FBH1: variants seen among roughly 807,000 people sequenced by gnomAD.
FBH1 encodes the protein F-box DNA helicase 1.
A neutral mutation model predicts 115.5 loss-of-function variants in FBH1; 43 were observed. That is an observed-to-expected ratio of 0.37 (90% confidence interval 0.29 to 0.48). The LOEUF is 0.48. Ranked by LOEUF, FBH1 falls within the 20% of genes least tolerant of loss-of-function variation. FBH1 has a pLI of 0.99. For missense variants in FBH1, 1,001 were observed against 1,337.3 expected, an observed-to-expected ratio of 0.75 and a Z score of 3.92; for synonymous variants, 524 against 507.8, an observed-to-expected ratio of 1.03 and a Z score of -0.43.
rs188898427 is a variant in FBH1 at position 5,908,623 on chromosome 10, A to G, written c.754-302A>G. Among the ~76,000 whole-genome samples, 15 of 148,274 alleles carry G rather than the reference A, an allele frequency of 1.0e-4. No homozygotes were observed. In the East Asian group the frequency reaches 2.9e-3, roughly 29 times the overall value. ...TTTTCTTTCTTTTTTTTTTTTTGAG[A>G]TGGAGTCTCACTCTGTCACCCAGGC... is the stretch of plus-strand genomic sequence containing the variant. On this transcript the variant is annotated intron_variant, in intron 3 of 20. Transcript: ENST00000362091.
Position 5,900,218 on chromosome 10 carries a change from A to C in FBH1, c.2-2802A>C, listed in dbSNP as rs1010835638. ...GCAGGCTACTCACATAAGCCTTGTT[A>C]AATAGAGGAAACAGGTAAGTTTGTA... is the stretch of plus-strand genomic sequence containing the variant. On this transcript the variant is annotated intron_variant, in intron 1 of 20. Coordinates refer to ENST00000362091, the MANE Select transcript of FBH1 (RefSeq NM_178150.3). This position sits in a 1 kb window ranked among gnomAD's most constrained non-coding sequence, Gnocchi z 4.2. 2.0e-5 allele frequency among the ~76,000 whole-genome samples: 3 copies of C among 152,214 alleles called. No individual in the cohort carries two copies. Among genetic ancestry groups the C allele is most frequent in the Non-Finnish European group, 2.9e-5 (2 of 68,030 alleles).
At chr10:5,912,993 C>T (rs1481361242) in intron 6 of FBH1, among the ~76,000 whole-genome samples, 2 of 152,056 alleles carry the variant, frequency 1.3e-5, no homozygotes, top group Admixed American at 1.3e-4. Flanking sequence ...GAGATGGGCT[C>T]TTTTCGCTCT....
intron 1 of FBH1, chr10:5,894,211 T>A: frequency 1.0e-6 from 1 of 985,290 alleles, no homozygotes; most frequent in South Asian, 4.7e-5. Flanking sequence ...TTCGTTTCTT[T>A]TAGAGCTAAT....
Position 5,932,348 on chromosome 10 carries a change from G to C in FBH1, c.2830-4108G>C, listed in dbSNP as rs980686968. Among the ~76,000 whole-genome samples, 2 of 152,222 alleles carry C rather than the reference G, an allele frequency of 1.3e-5. No individual in the cohort carries two copies. The highest frequency in any genetic ancestry group is 2.4e-5 in the African/African-American group (1 of 41,458). ...CAGAAGGTAGCATTTCAGATACACT[G>C]TTGTGTACTTTGCTTTGTCACTTAG... On this transcript the variant is annotated intron_variant, in intron 19 of 20. Transcript: ENST00000362091. This position sits in a 1 kb window ranked among gnomAD's most constrained non-coding sequence, Gnocchi z 5.9.
At position 5,897,857 on chromosome 10, in the gene FBH1, G is replaced by A. The variant is rs1316441042; in HGVS notation, c.2-5163G>A. Among the ~76,000 whole-genome samples the A allele has an allele frequency of 1.3e-5, 2 of 152,112 alleles. No homozygotes were observed. The highest frequency in any genetic ancestry group is 2.4e-5 in the African/African-American group (1 of 41,426). On this transcript the variant is annotated intron_variant, in intron 1 of 20. Transcript: ENST00000362091. This position sits in a 1 kb window ranked among gnomAD's most constrained non-coding sequence, Gnocchi z 4.7. ...TGCAAACACTTAATCTTCGCAACAA[G>A]CATTTTGGATTCAGACGTATTTTCT...
Position 5,915,820 on chromosome 10 carries a change from G to T in FBH1, c.1565+249G>T. Reference sequence around the variant, plus strand: ...TTCTCATGGAAGTGAGGCACAGAAAGTCAAAATGACTTGCTTAAAGTTCAG... The same window carrying T: ...TTCTCATGGAAGTGAGGCACAGAAATTCAAAATGACTTGCTTAAAGTTCAG... On this transcript the variant is annotated intron_variant, in intron 9 of 20. Coordinates refer to ENST00000362091, the MANE Select transcript of FBH1 (RefSeq NM_178150.3). This position sits in a 1 kb window ranked among gnomAD's most constrained non-coding sequence, Gnocchi z 5.2. The T allele has an allele frequency of 1.9e-6, 1 of 525,172 alleles. No individual in the cohort carries two copies. The allele number at this position is 525,172 out of a possible 1,614,324, so 32.5% of individuals were successfully genotyped here.
rs2131830733 is a variant in FBH1, at chr10:5,895,009, G to C, written c.1+4663G>C. 6.3e-7 allele frequency: 1 copy of C among 1,588,842 alleles called. No homozygotes were observed. Among genetic ancestry groups the C allele is most frequent in the South Asian group, 1.1e-5 (1 of 88,770 alleles). On this transcript the variant is annotated intron_variant, in intron 1 of 20. Coordinates refer to ENST00000362091, the MANE Select transcript of FBH1 (RefSeq NM_178150.3). The surrounding 1 kb of genome is among the most constrained non-coding windows in gnomAD (Gnocchi z 5.0). ...AATACTTTTATGGTGCTGGAGTTGAGAGATAACACAGTTAACTGTTGAAAT... is the reference window on the plus strand; with the variant it reads ...AATACTTTTATGGTGCTGGAGTTGACAGATAACACAGTTAACTGTTGAAAT...
At position 5,909,893 on chromosome 10, in the gene FBH1, G is replaced by A. The variant is rs190541985; in HGVS notation, c.1020+599G>A. On this transcript the variant is annotated intron_variant, in intron 5 of 20. Transcript: ENST00000362091. This position sits in a 1 kb window ranked among gnomAD's most constrained non-coding sequence, Gnocchi z 4.4. ...AAGAAGATGATTGCTGATGGTGGTG[G>A]AGTGGGTCTTCTTTCACAGGATGGT... Among the ~76,000 whole-genome samples, 135 of 152,340 alleles carry A rather than the reference G, an allele frequency of 8.9e-4. 1 individual carries two copies. The Middle Eastern group carries it at 0.017, about 19-fold the overall frequency.
chr10:5,921,505 A>G lies in FBH1; in HGVS notation c.2258A>G (p.Asn753Ser), dbSNP rs376125948. ...QVALLSRTNA[N>S]VFDEAVRVTE... Reference sequence around the variant, plus strand: ...GCCTTGTTGTCCCGGACCAACGCCAACGTGTTTGATGAGGCCGTACGGGTG... The same window carrying G: ...GCCTTGTTGTCCCGGACCAACGCCAGCGTGTTTGATGAGGCCGTACGGGTG... Residue 753 changes from asparagine (N) to serine (S), a missense_variant, in exon 15 of 21, where the codon AAC (asparagine) becomes AGC (serine). Physicochemically the swap from Asn to Ser is conservative, Grantham distance 46. This residue lies in a region of FBH1 where 521 missense variants were observed against 811.0 expected (regional missense o/e 0.64). Coordinates refer to ENST00000362091, the MANE Select transcript of FBH1 (RefSeq NM_178150.3). This position sits in a 1 kb window ranked among gnomAD's most constrained non-coding sequence, Gnocchi z 6.4. 44 of 1,601,050 alleles carry G rather than the reference A, an allele frequency of 2.7e-5. No homozygotes were observed. The highest frequency in any genetic ancestry group is 3.3e-5 in the Non-Finnish European group (39 of 1,176,940).
intron 13 of FBH1, among the ~76,000 whole-genome samples, chr10:5,919,006 T>C (rs899327791): frequency 2.0e-5 from 3 of 152,216 alleles, no homozygotes; most frequent in Non-Finnish European, 2.9e-5. Flanking sequence ...ATTTTCTTCA[T>C]GTGTGTCAGC....
In FBH1 at chr10:5,923,542, TG is replaced by T. The variant is rs1429969873; in HGVS notation, c.2323-78del. On this transcript the variant is annotated intron_variant, in intron 15 of 20. Transcript: ENST00000362091. This position sits in a 1 kb window ranked among gnomAD's most constrained non-coding sequence, Gnocchi z 5.7. ...CCCCATCCCTGCATTTGCTTTATTT[TG>T]TTTTGTTAAAGCAACAACAAACAAA... 1 of 1,245,338 alleles carries T rather than the reference TG, an allele frequency of 8.0e-7. No homozygotes were observed. Among genetic ancestry groups the T allele is most frequent in the African/African-American group, 1.5e-5 (1 of 66,502 alleles). The allele number at this position is 1,245,338 out of a possible 1,614,324, so 77.1% of individuals were successfully genotyped here. A position where few individuals can be genotyped will look rare whatever the true frequency, so the allele number is the denominator to read the frequency against.
intron 13 of FBH1, among the ~76,000 whole-genome samples, chr10:5,920,464 G>C (rs1172909588): frequency 6.6e-6 from 1 of 152,160 alleles, no homozygotes; most frequent in African/African-American, 2.4e-5. Context: ...AGTAAGTGTT[G>C]GAGAATCTTC....
In FBH1 at chr10:5,918,450, C is replaced by T. The variant is rs1832109628; in HGVS notation, c.2072C>T (p.Pro691Leu). The T allele has an allele frequency of 1.2e-6, 2 of 1,604,526 alleles. No homozygotes were observed. Among genetic ancestry groups the T allele is most frequent in the Non-Finnish European group, 1.7e-6 (2 of 1,177,228 alleles). Reference sequence around the variant, plus strand: ...GCGGTCAACGCCCTGTTCACAGTGCCCCACACCCACGTCTTCTATCTCACG... The same window carrying T: ...GCGGTCAACGCCCTGTTCACAGTGCTCCACACCCACGTCTTCTATCTCACG... ...RGAVNALFTV[P>L]HTHVFYLTQS... Residue 691 changes from proline (P) to leucine (L), a missense_variant, in exon 13 of 21, where the codon CCC (proline) becomes CTC (leucine). Around this residue, in one of 4 missense-constraint regions of FBH1, gnomAD observed 521 missense variants for 811.0 expected, o/e 0.64. Coordinates refer to ENST00000362091, the MANE Select transcript of FBH1 (RefSeq NM_178150.3). This position sits in a 1 kb window ranked among gnomAD's most constrained non-coding sequence, Gnocchi z 4.0.
rs1833354830 is a variant in FBH1, at chr10:5,936,384, CGCT to C, written c.2830-71_2830-69del. 1 of 1,563,518 alleles carries C rather than the reference CGCT, an allele frequency of 6.4e-7. No homozygotes were observed. The highest frequency in any genetic ancestry group is 8.7e-7 in the Non-Finnish European group (1 of 1,146,806). ...ATCTAAAGGGTTCTCACAGAGCCGC[CGCT>C]ATCAGTGTTTCCAGTAGACCCTAAC... On this transcript the variant is annotated intron_variant, in intron 19 of 20. Coordinates refer to ENST00000362091, the MANE Select transcript of FBH1 (RefSeq NM_178150.3). This position sits in a 1 kb window ranked among gnomAD's most constrained non-coding sequence, Gnocchi z 5.6.
chr10:5,894,523 C>CT, intron 1 of FBH1: 1 of 870,788 alleles, frequency 1.1e-6, no homozygotes, highest in Non-Finnish European at 2.0e-6. Context: ...CAAGTCCTCT[C>CT]TGAGCCCCAG....
At chr10:5,901,890 C>CTT (rs1459876511) in intron 1 of FBH1, among the ~76,000 whole-genome samples, 1 of 152,130 alleles carries the variant, frequency 6.6e-6, no homozygotes, top group Admixed American at 6.6e-5. Flanking sequence ...AGAAGTGTAT[C>CTT]TTTACATTTT....
rs116383088 is a variant in FBH1, at chr10:5,932,562, C to T, written c.2830-3894C>T. Reference sequence around the variant, plus strand: ...GATTTATGCCGTTCTCGCTCATGGACGTGGTCACTTCCAGCCTTTTGCTTT... The same window carrying T: ...GATTTATGCCGTTCTCGCTCATGGATGTGGTCACTTCCAGCCTTTTGCTTT... On this transcript the variant is annotated intron_variant, in intron 19 of 20. Coordinates refer to ENST00000362091, the MANE Select transcript of FBH1 (RefSeq NM_178150.3). The surrounding 1 kb of genome is among the most constrained non-coding windows in gnomAD (Gnocchi z 5.9). Among the ~76,000 whole-genome samples, 940 of 152,318 alleles carry T rather than the reference C, an allele frequency of 6.2e-3. 8 individuals carry two copies. Among genetic ancestry groups the T allele is most frequent in the African/African-American group, 0.021 (875 of 41,554 alleles).
intron 3 of FBH1, among the ~76,000 whole-genome samples, chr10:5,908,164 G>A (rs1195395636): frequency 6.6e-6 from 1 of 152,104 alleles, no homozygotes; most frequent in African/African-American, 2.4e-5. Flanking sequence ...AGTTCTGTCA[G>A]GGGTTGTTTC....
In FBH1 at chr10:5,918,449, C is replaced by A; in HGVS notation, c.2071C>A (p.Pro691Thr). ...RGAVNALFTV[P>T]HTHVFYLTQS... ...TGCGGTCAACGCCCTGTTCACAGTG[C>A]CCCACACCCACGTCTTCTATCTCAC... The change falls in exon 13 of 21, where the codon CCC becomes ACC. Residue 691 changes from proline to threonine, a missense_variant. Pro to Thr is a conservative substitution (Grantham distance 38, BLOSUM62 -1). This residue lies in a region of FBH1 where 521 missense variants were observed against 811.0 expected (regional missense o/e 0.64). Coordinates refer to ENST00000362091, the MANE Select transcript of FBH1 (RefSeq NM_178150.3). This position sits in a 1 kb window ranked among gnomAD's most constrained non-coding sequence, Gnocchi z 4.0. 6.2e-7 allele frequency: 1 copy of A among 1,604,642 alleles called. No homozygotes were observed. The highest frequency in any genetic ancestry group is 8.5e-7 in the Non-Finnish European group (1 of 1,177,280).
Sources: gnomAD v4.1 joint callset for allele counts (sites outside exome capture counted in the v4.1 genomes callset) on GRCh38, gnomAD v4.1.1 for gene constraint, gnomAD v4.1.1 regional missense constraint, Gnocchi (gnomAD v3.1) non-coding constraint, MANE v1.5 for transcripts, NCBI Gene and HGNC (gene_info 2026-07-23, HGNC 2026-07-21) for gene names.